Variants in HLCS observed in about 807,000 individuals in gnomAD.
HLCS encodes the protein holocarboxylase synthetase, also known as biotin--protein ligase.
HLCS carries 53 observed loss-of-function variants against 75.0 expected under a neutral mutation model. That is an observed-to-expected ratio of 0.71 (90% CI 0.57 to 0.89). The LOEUF (loss-of-function observed/expected upper bound fraction) is 0.89. HLCS is among the 40% of genes least tolerant of loss of function. HLCS has a pLI of 0.00. For synonymous variants in HLCS, 431 were observed against 428.6 expected, an observed-to-expected ratio of 1.01 and a Z score of -0.07; for missense variants, 966 against 1,074.0, an observed-to-expected ratio of 0.90 and a Z score of 1.41.
intron 8 of HLCS, among the ~76,000 whole-genome samples, chr21:36,761,816 T>C (rs2145753782): frequency 6.6e-6 from 1 of 152,288 alleles, no homozygotes. Context: ...GCCCACCACA[T>C]GGCCAGGGGA....
At chr21:36,935,245 A>G (rs941754770) in intron 4 of HLCS, among the ~76,000 whole-genome samples, 1 of 152,248 alleles carries the variant, frequency 6.6e-6, no homozygotes, top group African/African-American at 2.4e-5. Flanking sequence ...TTACGCCTCC[A>G]AAAGCTAATT....
chr21:36,836,082 G>A (rs751086117), intron 6 of HLCS, among the ~76,000 whole-genome samples: 1 of 151,726 alleles, frequency 6.6e-6, no homozygotes, highest in Non-Finnish European at 1.5e-5. Flanking sequence ...TTCTTATTAC[G>A]GTTTGCTTGT....
At chr21:36,768,062 A>AT (rs1386012015) in intron 6 of HLCS, among the ~76,000 whole-genome samples, 1 of 152,196 alleles carries the variant, frequency 6.6e-6, no homozygotes, top group Non-Finnish European at 1.5e-5. Flanking sequence ...CGCTCTCCCT[A>AT]TTTTAACCCC....
chr21:36,917,950 T>TAA (rs71311088), intron 5 of HLCS, among the ~76,000 whole-genome samples: 130 of 141,136 alleles, frequency 9.2e-4, no homozygotes, highest in Middle Eastern at 3.7e-3. Flanking sequence ...TCTCTTGCAT[T>TAA]AAAAAAAAAA....
At chr21:36,867,486 C>G (rs1051856714) in intron 6 of HLCS, among the ~76,000 whole-genome samples, 1 of 152,318 alleles carries the variant, frequency 6.6e-6, no homozygotes, top group East Asian at 1.9e-4. Context: ...CCTGACTCCC[C>G]TCCTTTCAGC....
chr21:36,830,486 G>A (rs7276265), intron 6 of HLCS, among the ~76,000 whole-genome samples: 43,247 of 151,910 alleles, frequency 0.28, 6,392 homozygotes, highest in Middle Eastern at 0.35. Flanking sequence ...TTAGCAGCAG[G>A]GAGCTCTGTG....
At chr21:36,758,022 C>T (rs1296423206) in intron 9 of HLCS, among the ~76,000 whole-genome samples, 2 of 152,188 alleles carry the variant, frequency 1.3e-5, no homozygotes, top group African/African-American at 4.8e-5. Context: ...TCAGAGACCC[C>T]ATCCTATGGC....
intron 6 of HLCS, among the ~76,000 whole-genome samples, chr21:36,885,180 T>C (rs2064394680): frequency 6.6e-6 from 1 of 152,058 alleles, no homozygotes; most frequent in African/African-American, 2.4e-5. Flanking sequence ...AAAAAAACTG[T>C]CGAAATCTTC....
chr21:36,896,905 A>C lies in HLCS; in HGVS notation c.1847T>G (p.Ile616Ser). The change falls in exon 6 of 11, where the codon ATT (isoleucine) becomes AGT (serine). Residue 616 changes from isoleucine to serine, a missense_variant. By Grantham distance (142) the Ile-to-Ser change is moderately radical (BLOSUM62 -2). Coordinates refer to ENST00000674895, the MANE Select transcript of HLCS (RefSeq NM_001352514.2). ...NLQTKQLGKV[I>S]LFAEVTPTTM... is the part of the protein sequence containing the mutation. ...TGTGGGGGTCACTTCGGCAAACAAAATTACTTTCCCCAACTGCTTGGTCTG... is the reference window on the plus strand; with the variant it reads ...TGTGGGGGTCACTTCGGCAAACAAACTTACTTTCCCCAACTGCTTGGTCTG... 1 of 1,614,188 alleles carries C rather than the reference A, an allele frequency of 6.2e-7. No individual in the cohort carries two copies. The highest frequency in any genetic ancestry group is 1.1e-5 in the South Asian group (1 of 91,086).
chr21:36,923,119 TCTAA>T, intron 5 of HLCS, among the ~76,000 whole-genome samples: 1 of 152,204 alleles, frequency 6.6e-6, no homozygotes, highest in East Asian at 1.9e-4. Context: ...GATCATGCTC[TCTAA>T]CCCGGCACCA....
At chr21:36,886,755 A>G (rs146167913) in intron 6 of HLCS, among the ~76,000 whole-genome samples, 4 of 152,284 alleles carry the variant, frequency 2.6e-5, no homozygotes, top group African/African-American at 9.6e-5. Flanking sequence ...TGGAGCCCTA[A>G]CTAATGGGAT....
At chr21:36,779,806 C>T (rs2060473476) in intron 6 of HLCS, among the ~76,000 whole-genome samples, 1 of 151,900 alleles carries the variant, frequency 6.6e-6, no homozygotes, top group Non-Finnish European at 1.5e-5. Flanking sequence ...ACCCCCACAC[C>T]CAAACCCCAC....
intron 5 of HLCS, among the ~76,000 whole-genome samples, chr21:36,926,981 A>T (rs978603416): frequency 6.6e-6 from 1 of 152,034 alleles, no homozygotes. Context: ...CCTGGGCTTG[A>T]GCGATCCACC....
At chr21:36,929,098 C>G (rs1378017748) in intron 5 of HLCS, among the ~76,000 whole-genome samples, 1 of 152,230 alleles carries the variant, frequency 6.6e-6, no homozygotes, top group Non-Finnish European at 1.5e-5. Context: ...GAGTTCCAAA[C>G]TTCCACTCAC....
intron 6 of HLCS, among the ~76,000 whole-genome samples, chr21:36,860,722 G>C (rs1374600597): frequency 6.6e-6 from 1 of 152,232 alleles, no homozygotes; most frequent in African/African-American, 2.4e-5. Context: ...ACCATGTCTA[G>C]TTTAGACACG....
At chr21:36,864,883 G>A (rs558524775) in intron 6 of HLCS, among the ~76,000 whole-genome samples, 1 of 152,182 alleles carries the variant, frequency 6.6e-6, no homozygotes, top group Non-Finnish European at 1.5e-5. Context: ...AAATAAAGGA[G>A]TTTTATTATA....
intron 6 of HLCS, among the ~76,000 whole-genome samples, chr21:36,885,167 G>A (rs1383917048): frequency 6.6e-6 from 1 of 152,118 alleles, no homozygotes; most frequent in Non-Finnish European, 1.5e-5. Context: ...GTTCTAGTAT[G>A]AGAAAAAAAC....
At chr21:36,940,600 T>C (rs2067099117) in intron 2 of HLCS, among the ~76,000 whole-genome samples, 1 of 152,190 alleles carries the variant, frequency 6.6e-6, no homozygotes, top group Non-Finnish European at 1.5e-5. Context: ...AAGAACAGAC[T>C]AGATAATAGT....
At chr21:36,780,454 G>A (rs139231040) in intron 6 of HLCS, among the ~76,000 whole-genome samples, 7,718 of 151,800 alleles carry the variant, frequency 0.051, 226 homozygotes, top group Middle Eastern at 0.11. Flanking sequence ...TCCTGACCTC[G>A]TGATCCGCCT....
Sources: allele counts gnomAD v4.1 joint callset (sites outside exome capture counted in the v4.1 genomes callset), GRCh38; gene constraint gnomAD v4.1.1; transcripts MANE v1.5; gene names NCBI Gene and HGNC (gene_info 2026-07-23, HGNC 2026-07-21).